Variants in CFAP44 observed in about 807,000 individuals in gnomAD.
CFAP44 encodes cilia and flagella associated protein 44.
In CFAP44, 134 loss-of-function variants were observed where a neutral mutation model predicts 216.2. The observed-to-expected ratio is 0.62, with a 90% confidence interval of 0.54 to 0.72. The LOEUF is 0.72. CFAP44 is among the 30% of genes least tolerant of loss of function. The probability of loss-of-function intolerance (pLI) is 0.00; values close to 1 mark genes in which losing one functional copy is unlikely to be tolerated. For missense variants in CFAP44, 2,035 were observed against 2,182.1 expected, an observed-to-expected ratio of 0.93 and a Z score of 1.34; for synonymous variants, 700 against 727.6, an observed-to-expected ratio of 0.96 and a Z score of 0.61.
chr3:113,337,437 T>C (rs898765014), intron 24 of CFAP44, among the ~76,000 whole-genome samples: 2 of 152,024 alleles, frequency 1.3e-5, no homozygotes, highest in South Asian at 2.1e-4. Context: ...AGATTTTGTA[T>C]ACATATAGAC....
intron 11 of CFAP44, 120 bp downstream of exon 11, chr3:113,401,120 G>T: frequency 2.3e-6 from 2 of 855,716 alleles, no homozygotes; most frequent in Non-Finnish European, 1.8e-6. Flanking sequence ...GCACATGTTA[G>T]GCAAGTTTTT....
intron 7 of CFAP44, among the ~76,000 whole-genome samples, chr3:113,408,369 A>G (rs1233662616): frequency 6.6e-6 from 1 of 152,194 alleles, no homozygotes; most frequent in East Asian, 1.9e-4. Context: ...ACTGTTTCGT[A>G]TTGAGTGTTC....
chr3:113,360,960 T>C, intron 21 of CFAP44: 1 of 258,828 alleles, frequency 3.9e-6, no homozygotes, highest in Admixed American at 4.1e-5. Flanking sequence ...TTGTTTTATC[T>C]GTGTATGAAT....
In CFAP44 at chr3:113,373,419, G is replaced by T; in HGVS notation, c.2436C>A (p.Ile812=). 6.4e-7 allele frequency: 1 copy of T among 1,570,096 alleles called. No individual in the cohort carries two copies. Among genetic ancestry groups the T allele is most frequent in the Non-Finnish European group, 8.6e-7 (1 of 1,156,712 alleles). The change falls in exon 18 of 35, where the codon ATC becomes ATA. Residue 812 remains isoleucine (I), a synonymous_variant. Coordinates refer to ENST00000393845, the MANE Select transcript of CFAP44 (RefSeq NM_001164496.2). ...TTTGAAATACTGCTCACTTGAAAGT[G>T]ATAGTTTGGATGGGATTGTCCTCTG... ...ADTEDNPIQT[I]TFNINKVMMF...
intron 19 of CFAP44, among the ~76,000 whole-genome samples, chr3:113,365,341 G>A (rs1950577370): frequency 6.6e-6 from 1 of 152,040 alleles, no homozygotes; most frequent in African/African-American, 2.4e-5. Flanking sequence ...CTGCTAAATG[G>A]GAAGCCAATA....
chr3:113,401,203 G>T, intron 11 of CFAP44, 37 bp downstream of exon 11: 6 of 1,532,814 alleles, frequency 3.9e-6, no homozygotes, highest in Non-Finnish European at 5.3e-6. Context: ...TTTTTACTAT[G>T]AAAGTTAGGA....
At position 113,291,631 on chromosome 3, in the gene CFAP44, G is replaced by C. The variant is rs1009715002; in HGVS notation, c.5491C>G (p.Arg1831Gly). 6.5e-7 allele frequency: 1 copy of C among 1,537,102 alleles called. No individual in the cohort carries two copies. Among genetic ancestry groups the C allele is most frequent in the African/African-American group, 1.4e-5 (1 of 73,012 alleles). ...SALKEEIALLRRKGSLILPPI... is the reference protein window; with the variant it reads ...SALKEEIALLGRKGSLILPPI... ...GGGAGGATAAGACTGCCTTTCCTACGCAAAAGAGCAATCTCCTCCTTTAAG... is the reference window on the plus strand; with the variant it reads ...GGGAGGATAAGACTGCCTTTCCTACCCAAAAGAGCAATCTCCTCCTTTAAG... The change falls in exon 35 of 35, where the codon CGT (arginine) becomes GGT (glycine). Residue 1831 changes from arginine (R) to glycine (G), a missense_variant. This residue lies in a region of CFAP44 where 1,883 missense variants were observed against 2,023.7 expected (regional missense o/e 0.93). Coordinates refer to ENST00000393845, the MANE Select transcript of CFAP44 (RefSeq NM_001164496.2).
At chr3:113,366,404 T>G (rs1181227459) in intron 18 of CFAP44, 95 bp from the exon 19 acceptor site, 3 of 1,446,854 alleles carry the variant, frequency 2.1e-6, no homozygotes, top group African/African-American at 2.8e-5. Context: ...AATAACAAAG[T>G]TGTTATGGAC....
chr3:113,339,579 T>C (rs931596528), intron 24 of CFAP44, among the ~76,000 whole-genome samples: 1 of 152,188 alleles, frequency 6.6e-6, no homozygotes, highest in African/African-American at 2.4e-5. Context: ...TCTCCTTCCA[T>C]GGGGTGAGAG....
intron 17 of CFAP44, among the ~76,000 whole-genome samples, chr3:113,378,379 A>G (rs1009397793): frequency 2.0e-5 from 3 of 152,196 alleles, no homozygotes; most frequent in South Asian, 2.1e-4. Flanking sequence ...AGGATGTCCT[A>G]TGATGTCTCC....
In CFAP44 at chr3:113,289,893, T is replaced by C. The variant is rs1057298970; in HGVS notation, c.*1664A>G. 1 of 152,242 alleles carries C rather than the reference T, an allele frequency of 6.6e-6. No individual in the cohort carries two copies. The highest frequency in any genetic ancestry group is 1.5e-5 in the Non-Finnish European group (1 of 68,116). The allele number at this position is 152,242 out of a possible 1,614,324, so 9.4% of individuals were successfully genotyped here. A position where few individuals can be genotyped will look rare whatever the true frequency, so the allele number is the denominator to read the frequency against. The stretch of plus-strand genomic sequence containing the variant: ...CTGCCTAATGGCCAAGGGAGTGAAT[T>C]TGCTAATAGCCCCTCCAGCTCCAGC... On this transcript the variant is annotated 3_prime_UTR_variant, in exon 35 of 35. Coordinates refer to ENST00000393845, the MANE Select transcript of CFAP44 (RefSeq NM_001164496.2).
At chr3:113,293,422 T>C (rs1469708701) in intron 34 of CFAP44, among the ~76,000 whole-genome samples, 1 of 148,524 alleles carries the variant, frequency 6.7e-6, no homozygotes, top group Non-Finnish European at 1.5e-5. Flanking sequence ...CTCTGAGCTT[T>C]AGAAAGTACT....
At chr3:113,340,620 T>A (rs989976671) in intron 24 of CFAP44, among the ~76,000 whole-genome samples, 1 of 152,136 alleles carries the variant, frequency 6.6e-6, no homozygotes, top group Non-Finnish European at 1.5e-5. Flanking sequence ...TAGGGGAGCA[T>A]ACAGGCGGGC....
chr3:113,312,591 T>A (rs1950050370), intron 28 of CFAP44, among the ~76,000 whole-genome samples: 1 of 152,156 alleles, frequency 6.6e-6, no homozygotes. Context: ...CTCCAGGGCA[T>A]GTCGGAGGCC....
In CFAP44 at chr3:113,290,272, G is replaced by A. The variant is rs891909880; in HGVS notation, c.*1285C>T. The A allele has an allele frequency of 6.6e-6, 1 of 152,156 alleles. No individual in the cohort carries two copies. The highest frequency in any genetic ancestry group is 1.5e-5 in the Non-Finnish European group (1 of 68,028). 9.4% of individuals were successfully genotyped at this position (152,156 alleles called of 1,614,324 possible). A position where few individuals can be genotyped will look rare whatever the true frequency, so the allele number is the denominator to read the frequency against. On this transcript the variant is annotated 3_prime_UTR_variant, in exon 35 of 35. Transcript: ENST00000393845. ...ACAAGTGCAAACAATAAGGTATTCT[G>A]ACCTCTTAAATAGGAATATGAAGGA...
At chr3:113,369,762 C>A (rs549794018) in intron 18 of CFAP44, among the ~76,000 whole-genome samples, 3 of 150,524 alleles carry the variant, frequency 2.0e-5, no homozygotes, top group Admixed American at 6.6e-5. Flanking sequence ...GACAAAAAAA[C>A]CCTTCAAAAA....
intron 27 of CFAP44, among the ~76,000 whole-genome samples, chr3:113,327,012 A>C: frequency 6.6e-6 from 1 of 152,314 alleles, no homozygotes; most frequent in East Asian, 1.9e-4. Context: ...ACTAAAACAA[A>C]GAGACATATA....
At chr3:113,308,572 A>C (rs536838475) in intron 28 of CFAP44, among the ~76,000 whole-genome samples, 2 of 148,568 alleles carry the variant, frequency 1.3e-5, no homozygotes, top group South Asian at 4.2e-4. Context: ...AAAATCAGAC[A>C]AAAATTTTTT....
At chr3:113,413,645 G>T (rs991836371) in intron 6 of CFAP44, among the ~76,000 whole-genome samples, 3 of 152,146 alleles carry the variant, frequency 2.0e-5, no homozygotes, top group Non-Finnish European at 4.4e-5. Flanking sequence ...CCCGTTGCTT[G>T]TTTTTGTCAG....
Sources: gnomAD v4.1 joint callset for allele counts (sites outside exome capture counted in the v4.1 genomes callset) on GRCh38, gnomAD v4.1.1 for gene constraint, gnomAD v4.1.1 regional missense constraint, MANE v1.5 for transcripts, NCBI Gene and HGNC (gene_info 2026-07-23, HGNC 2026-07-21) for gene names.